The following GPAT4 variants were observed in gnomAD, a reference collection of about 807,000 sequenced individuals.
GPAT4 encodes 1-AGP acyltransferase 6.
In GPAT4, 17 loss-of-function variants were observed where a neutral mutation model predicts 58.0. The observed-to-expected ratio is 0.29, with a 90% confidence interval of 0.20 to 0.44. The LOEUF (loss-of-function observed/expected upper bound fraction) is 0.44, where lower values mean the gene tolerates loss of function less well. Among genes scored for constraint, GPAT4 ranks in the 20% least tolerant of loss-of-function variants. GPAT4 has a pLI of 1.00. For missense variants in GPAT4, 377 were observed against 574.5 expected (o/e 0.66, Z 3.51); for synonymous variants, 204 against 210.1 (o/e 0.97, Z 0.25).
At chr8:41,610,338 G>A (rs1212508186) in intron 4 of GPAT4, 7 of 1,220,172 alleles carry the variant, frequency 5.7e-6, no homozygotes, top group African/African-American at 4.6e-5. Flanking sequence ...CTCTGAGTGT[G>A]CCTTGCCAGA....
intron 1 of GPAT4, chr8:41,578,514 C>T (rs564381510): frequency 2.0e-5 from 3 of 152,290 alleles, no homozygotes; most frequent in Non-Finnish European, 1.5e-5. Context: ...CCCCGGCCGC[C>T]CGCCTCTCCG....
At chr8:41,599,452 C>A in intron 2 of GPAT4, 148 bp downstream of exon 2, 1 of 955,602 alleles carries the variant, frequency 1.0e-6, no homozygotes, top group Non-Finnish European at 1.5e-6. Flanking sequence ...AGAAGAATAA[C>A]TAAACGTCTA....
rs1391691203 is a variant in GPAT4, at chr8:41,609,503, T to C, written c.235+18T>C. 1 of 1,613,734 alleles carries C rather than the reference T, an allele frequency of 6.2e-7. No homozygotes were observed. Among genetic ancestry groups the C allele is most frequent in the Admixed American group, 1.7e-5 (1 of 60,022 alleles). On this transcript the variant is annotated intron_variant, in intron 3 of 12. Coordinates refer to ENST00000396987, the MANE Select transcript of GPAT4 (RefSeq NM_178819.4). Reference sequence around the variant, plus strand: ...CACCAACGGTAAGATGGGGGTGTGATCCTTGTCCTGAGAGGTCCATTTGAA... The same window carrying C: ...CACCAACGGTAAGATGGGGGTGTGACCCTTGTCCTGAGAGGTCCATTTGAA...
chr8:41,612,130 T>G, intron 6 of GPAT4, 50 bp from the exon 7 acceptor site: 2 of 1,595,898 alleles, frequency 1.3e-6, no homozygotes, highest in Non-Finnish European at 1.7e-6. Context: ...GTGTGTTACA[T>G]GAACTGTTTC....
At chr8:41,581,880 G>A (rs1351881118) in intron 1 of GPAT4, among the ~76,000 whole-genome samples, 16 of 144,736 alleles carry the variant, frequency 1.1e-4, no homozygotes, top group South Asian at 2.3e-4. Context: ...TGATCCCCCC[G>A]CCTCGGCCTC....
chr8:41,606,201 C>G (rs60423541), intron 2 of GPAT4, among the ~76,000 whole-genome samples: 29,868 of 152,148 alleles, frequency 0.2, 3,042 homozygotes, highest in Middle Eastern at 0.26. Flanking sequence ...CGATTTATAG[C>G]TGGTCAGTCA....
intron 5 of GPAT4, 43 bp from the exon 6 acceptor site, chr8:41,611,860 T>G (rs370939204): frequency 4.4e-6 from 7 of 1,584,942 alleles, no homozygotes; most frequent in Non-Finnish European, 5.2e-6. Flanking sequence ...TCTGTCTTCC[T>G]GTATGTAAAA....
chr8:41,606,833 GTTTC>G (rs1466719423), intron 2 of GPAT4, among the ~76,000 whole-genome samples: 5 of 152,246 alleles, frequency 3.3e-5, no homozygotes, highest in African/African-American at 1.2e-4. Context: ...GATGCTAAGT[GTTTC>G]TTTCAGACCT....
chr8:41,585,668 G>A (rs1283529340), intron 1 of GPAT4, among the ~76,000 whole-genome samples: 1 of 152,218 alleles, frequency 6.6e-6, no homozygotes, highest in East Asian at 1.9e-4. Context: ...GAAAACTGAA[G>A]CATGGAATGT....
intron 1 of GPAT4, among the ~76,000 whole-genome samples, chr8:41,590,760 C>T (rs575159634): frequency 6.6e-6 from 1 of 152,318 alleles, no homozygotes; most frequent in East Asian, 1.9e-4. Flanking sequence ...ATAGCATGTC[C>T]TTGTAGACTA....
chr8:41,583,473 G>A (rs1488250200), intron 1 of GPAT4, among the ~76,000 whole-genome samples: 1 of 152,014 alleles, frequency 6.6e-6, no homozygotes, highest in Non-Finnish European at 1.5e-5. Context: ...ATTGTATAAA[G>A]TAGAAACAGG....
At position 41,588,335 on chromosome 8, in the gene GPAT4, G is replaced by A. The variant is rs190174924; in HGVS notation, c.-848-9957G>A. Among the ~76,000 whole-genome samples the A allele has an allele frequency of 2.2e-3, 340 of 152,322 alleles. 2 individuals carry two copies. The highest frequency in any genetic ancestry group is 0.01 in the Middle Eastern group (3 of 294). ...GGTCCCTGAGTTGGGATGTGTCACA[G>A]AGAGCCGACTGAAAAGTATTTGATT... On this transcript the variant is annotated intron_variant, in intron 1 of 12. Coordinates refer to ENST00000396987, the MANE Select transcript of GPAT4 (RefSeq NM_178819.4).
At chr8:41,592,031 A>G (rs1365210938) in intron 1 of GPAT4, among the ~76,000 whole-genome samples, 1 of 152,204 alleles carries the variant, frequency 6.6e-6, no homozygotes, top group Non-Finnish European at 1.5e-5. Flanking sequence ...CCTACGAGCC[A>G]TCTTGTGCCC....
chr8:41,582,408 A>G (rs1045366507), intron 1 of GPAT4, among the ~76,000 whole-genome samples: 2 of 149,126 alleles, frequency 1.3e-5, no homozygotes, highest in African/African-American at 2.5e-5. Flanking sequence ...CTGCTGTACC[A>G]TTTTCTTCAC....
At chr8:41,579,057 C>T (rs1802439559) in intron 1 of GPAT4, among the ~76,000 whole-genome samples, 1 of 152,186 alleles carries the variant, frequency 6.6e-6, no homozygotes, top group Non-Finnish European at 1.5e-5. Flanking sequence ...GAGGAGCTCT[C>T]CTTAGTTTCA....
At chr8:41,597,979 A>G (rs1319362682) in intron 1 of GPAT4, among the ~76,000 whole-genome samples, 3 of 152,162 alleles carry the variant, frequency 2.0e-5, no homozygotes, top group African/African-American at 7.2e-5. Context: ...CAGGAAGGAG[A>G]TGTACTTTCC....
At chr8:41,606,391 G>T (rs1442087172) in intron 2 of GPAT4, among the ~76,000 whole-genome samples, 4 of 152,156 alleles carry the variant, frequency 2.6e-5, no homozygotes, top group Non-Finnish European at 4.4e-5. Context: ...TTGGGTTTGG[G>T]GGGGCATTCC....
chr8:41,610,291 C>T (rs1803403939), intron 4 of GPAT4: 4 of 1,230,156 alleles, frequency 3.3e-6, no homozygotes, highest in Non-Finnish European at 4.1e-6. Context: ...GGTACAGGGG[C>T]AGTATTGATC....
chr8:41,580,603 C>T (rs985393890), intron 1 of GPAT4, among the ~76,000 whole-genome samples: 2 of 152,190 alleles, frequency 1.3e-5, no homozygotes, highest in Non-Finnish European at 2.9e-5. Context: ...AGCAAGTCCT[C>T]ATGTTAGGGG....
Sources: gnomAD v4.1 joint callset for allele counts (sites outside exome capture counted in the v4.1 genomes callset) on GRCh38, gnomAD v4.1.1 for gene constraint, MANE v1.5 for transcripts, NCBI Gene and HGNC (gene_info 2026-07-23, HGNC 2026-07-21) for gene names.